The following CNTLN variants were observed in gnomAD, a reference collection of about 807,000 sequenced individuals.
The protein encoded by CNTLN is centlein, also known as centlein, centrosomal protein.
CNTLN carries 212 observed loss-of-function variants against 180.0 expected under a neutral mutation model. That is an observed-to-expected ratio of 1.18 (90% CI 1.05 to 1.32). The LOEUF (loss-of-function observed/expected upper bound fraction) is 1.32. Among genes scored for constraint, CNTLN ranks in the 40% most tolerant of loss-of-function variants. CNTLN has a pLI of 0.00. For missense variants in CNTLN, 2,095 were observed against 1,610.9 expected, an observed-to-expected ratio of 1.30 and a Z score of -5.14; for synonymous variants, 722 against 563.1, an observed-to-expected ratio of 1.28 and a Z score of -3.99.
chr9:17,380,717 G>A (rs1472915510), intron 13 of CNTLN, among the ~76,000 whole-genome samples: 2 of 152,140 alleles, frequency 1.3e-5, no homozygotes, highest in African/African-American at 2.4e-5. Flanking sequence ...TACCATGTTC[G>A]TCATTGAAAG....
intron 23 of CNTLN, among the ~76,000 whole-genome samples, chr9:17,472,806 T>C (rs1832104104): frequency 6.6e-6 from 1 of 152,182 alleles, no homozygotes; most frequent in South Asian, 2.1e-4. Context: ...AAATCTCCAT[T>C]TCCAGCATTT....
chr9:17,219,816 G>A (rs1174044098), intron 2 of CNTLN, among the ~76,000 whole-genome samples: 1 of 151,916 alleles, frequency 6.6e-6, no homozygotes, highest in East Asian at 1.9e-4. Context: ...TAAAATGCTA[G>A]CCAATGTGGT....
chr9:17,328,701 T>C (rs1157976862), intron 8 of CNTLN, among the ~76,000 whole-genome samples: 2 of 152,164 alleles, frequency 1.3e-5, no homozygotes, highest in South Asian at 4.1e-4. Context: ...TTAATATGTA[T>C]GCAAAATGCC....
chr9:17,302,205 T>TC (rs1397415877), intron 7 of CNTLN, among the ~76,000 whole-genome samples: 1 of 151,386 alleles, frequency 6.6e-6, no homozygotes, highest in African/African-American at 2.4e-5. Context: ...CAATTCACTT[T>TC]TTTTTTTTTT....
chr9:17,170,554 T>C (rs1820356792), intron 2 of CNTLN, among the ~76,000 whole-genome samples: 1 of 152,098 alleles, frequency 6.6e-6, no homozygotes, highest in Admixed American at 6.5e-5. Flanking sequence ...TATCTGTTTT[T>C]CAGTTCACAG....
At chr9:17,145,115 A>G (rs1007470144) in intron 2 of CNTLN, among the ~76,000 whole-genome samples, 1 of 152,172 alleles carries the variant, frequency 6.6e-6, no homozygotes, top group Non-Finnish European at 1.5e-5. Flanking sequence ...TGCTGGGATT[A>G]CAGGCGTGAG....
chr9:17,237,230 G>A (rs1345085998), intron 5 of CNTLN, among the ~76,000 whole-genome samples: 1 of 151,106 alleles, frequency 6.6e-6, no homozygotes. Flanking sequence ...TTTGTCTTTA[G>A]AGGTTTTTGC....
chr9:17,143,399 C>T lies in CNTLN; in HGVS notation c.449+23C>T, dbSNP rs780076682. 16 of 1,561,364 alleles carry T rather than the reference C, an allele frequency of 1.0e-5. No individual in the cohort carries two copies. In the East Asian group the frequency reaches 1.8e-4, roughly 18 times the overall value. On this transcript the variant is annotated intron_variant, in intron 2 of 25. Coordinates refer to ENST00000380647, the MANE Select transcript of CNTLN (RefSeq NM_017738.4). ...AAGGTGAGCTCTCAAATTATTTTTT[C>T]ATGAGTATTTGGTGTGTTGAGTTTG...
chr9:17,221,138 T>C (rs1339538752), intron 2 of CNTLN, among the ~76,000 whole-genome samples: 2 of 152,122 alleles, frequency 1.3e-5, no homozygotes, highest in African/African-American at 2.4e-5. Context: ...CTAATGTATA[T>C]ACCTCTAATA....
chr9:17,341,791 A>G (rs2133211557), intron 11 of CNTLN, among the ~76,000 whole-genome samples: 1 of 152,270 alleles, frequency 6.6e-6, no homozygotes, highest in African/African-American at 2.4e-5. Context: ...TTCTTTGATG[A>G]GTGGAAGTGT....
intron 7 of CNTLN, 54 bp downstream of exon 7, chr9:17,298,406 C>A: frequency 7.2e-7 from 1 of 1,393,206 alleles, no homozygotes; most frequent in South Asian, 1.9e-5. Flanking sequence ...AACTTATGAA[C>A]ATATATAGAA....
chr9:17,213,876 C>A (rs1036578492), intron 2 of CNTLN, among the ~76,000 whole-genome samples: 1 of 152,114 alleles, frequency 6.6e-6, no homozygotes, highest in Admixed American at 6.5e-5. Context: ...AGGATTGCAA[C>A]CCCTGCCTTT....
At chr9:17,165,836 CT>C (rs1193984352) in intron 2 of CNTLN, among the ~76,000 whole-genome samples, 1 of 152,214 alleles carries the variant, frequency 6.6e-6, no homozygotes, top group Non-Finnish European at 1.5e-5. Context: ...CAAAATAATT[CT>C]TCTCTGGAGA....
intron 18 of CNTLN, among the ~76,000 whole-genome samples, chr9:17,425,341 C>G (rs778643317): frequency 6.6e-6 from 1 of 152,040 alleles, no homozygotes; most frequent in African/African-American, 2.4e-5. Flanking sequence ...AAGAGACACC[C>G]GATTCTACTC....
chr9:17,135,181 C>A lies in CNTLN; in HGVS notation c.116C>A (p.Ser39Ter). The A allele has an allele frequency of 6.2e-7, 1 of 1,610,360 alleles. No individual in the cohort carries two copies. Among genetic ancestry groups the A allele is most frequent in the Non-Finnish European group, 8.5e-7 (1 of 1,178,874 alleles). The change falls in exon 1 of 26, where the codon TCG becomes TAG. Residue 39 changes from serine to a stop codon, truncating the protein, a stop_gained. Transcript: ENST00000380647. LOFTEE classifies it high-confidence loss of function. ...GTACACGCAATGCGCAGCGAGGCCTCGGGTTTTGCCGGCGCAGCGCGGGAG... is the reference window on the plus strand; with the variant it reads ...GTACACGCAATGCGCAGCGAGGCCTAGGGTTTTGCCGGCGCAGCGCGGGAG... Reference protein sequence around the residue: ...AEVHAMRSEASGFAGAAREVV... With the variant: ...AEVHAMRSEA
chr9:17,413,566 G>A (rs188636538), intron 16 of CNTLN, among the ~76,000 whole-genome samples: 64 of 152,190 alleles, frequency 4.2e-4, no homozygotes, highest in African/African-American at 1.5e-3. Flanking sequence ...AACTTAACAG[G>A]AAGAAATTAA....
Position 17,264,938 on chromosome 9 carries a change from G to T in CNTLN, c.850-8795G>T, listed in dbSNP as rs909228425. 1.3e-3 allele frequency among the ~76,000 whole-genome samples: 196 copies of T among 146,442 alleles called. 1 individual carries two copies. The highest frequency in any genetic ancestry group is 4.7e-3 in the African/African-American group (183 of 38,558). On this transcript the variant is annotated intron_variant, in intron 5 of 25. Transcript: ENST00000380647. ...TTGCTCATCAGCTTAAGGAGATTTG[G>T]GGCTGAGACAATGGGGTTTTCTAGA...
intron 6 of CNTLN, among the ~76,000 whole-genome samples, chr9:17,295,989 AGAGAGAGAGTGTGTGTGT>A (rs1241334837): frequency 2.4e-4 from 20 of 83,472 alleles, no homozygotes; most frequent in African/African-American, 1.1e-3. Flanking sequence ...AGAGAGAGAG[AGAGAGAGAGTGTGTGTGT>A]GTGTGTGTGT....
Position 17,269,972 on chromosome 9 carries a change from G to C in CNTLN, c.850-3761G>C, listed in dbSNP as rs185540166. Reference sequence around the variant, plus strand: ...GGTATTGTAAATGTTTAGTTTTATAGAAAATCATCTGAGTTTTGCACAGTC... The same window carrying C: ...GGTATTGTAAATGTTTAGTTTTATACAAAATCATCTGAGTTTTGCACAGTC... On this transcript the variant is annotated intron_variant, in intron 5 of 25. Transcript: ENST00000380647. Among the ~76,000 whole-genome samples, 321 of 152,178 alleles carry C rather than the reference G, an allele frequency of 2.1e-3. 1 individual carries two copies. Among genetic ancestry groups the C allele is most frequent in the African/African-American group, 7.3e-3 (304 of 41,564 alleles).
Sources: gnomAD v4.1 joint callset for allele counts (sites outside exome capture counted in the v4.1 genomes callset) on GRCh38, gnomAD v4.1.1 for gene constraint, MANE v1.5 for transcripts, NCBI Gene and HGNC (gene_info 2026-07-23, HGNC 2026-07-21) for gene names.